The following OR9Q2 variants were observed in gnomAD, a reference collection of about 807,000 sequenced individuals.
The protein encoded by OR9Q2 is olfactory receptor family 9 subfamily Q member 2.
In OR9Q2, 2 loss-of-function variants were observed where a neutral mutation model predicts 2.3. The ratio of observed to expected loss-of-function variants is 0.85; its 90% CI spans 0.35 to 2.68. OR9Q2 has a LOEUF of 2.68. Ranked by LOEUF, OR9Q2 falls within the 30% of genes most tolerant of loss-of-function variation. OR9Q2 has a pLI of 0.10. For synonymous variants in OR9Q2, 178 were observed against 158.6 expected (o/e 1.12, Z -0.92); for missense variants, 404 against 395.7 (o/e 1.02, Z -0.18).
intron 1 of OR9Q2, among the ~76,000 whole-genome samples, chr11:58,189,955 T>TC (rs1854742439): frequency 1.3e-5 from 2 of 152,244 alleles, no homozygotes; most frequent in African/African-American, 4.8e-5. Context: ...CCATTGCTGA[T>TC]TGCTAATAGA....
In OR9Q2 at chr11:58,191,287, A is replaced by G; in HGVS notation, c.797A>G (p.Gln266Arg). ...IFMYLRDNTG[Q>R]SSEGDRVVSV... ...ATGTACCTGCGAGACAACACAGGCC[A>G]GTCCTCCGAGGGAGACCGAGTGGTG... Residue 266 changes from glutamine (Q) to arginine (R), a missense_variant, in exon 2 of 2, where the codon CAG becomes CGG. Physicochemically the swap from Gln to Arg is conservative, Grantham distance 43. Transcript: ENST00000641291. 6.2e-7 allele frequency: 1 copy of G among 1,614,082 alleles called. No homozygotes were observed. Among genetic ancestry groups the G allele is most frequent in the Non-Finnish European group, 8.5e-7 (1 of 1,180,008 alleles).
rs139158999 is a variant in OR9Q2 at position 58,190,622 on chromosome 11, C to T, written c.132C>T (p.Gly44=). Residue 44 remains glycine (G), a synonymous_variant, in exon 2 of 2, where the codon GGC becomes GGT. Transcript: ENST00000641291. Reference sequence around the variant, plus strand: ...TTGCCACTATGTTAGGGAACACAGGCATGATCCTCCTGATCCGTGGCGATC... The same window carrying T: ...TTGCCACTATGTTAGGGAACACAGGTATGATCCTCCTGATCCGTGGCGATC... ...FYLATMLGNT[G]MILLIRGDRR... 2 of 1,614,158 alleles carry T rather than the reference C, an allele frequency of 1.2e-6. No individual in the cohort carries two copies. Among genetic ancestry groups the T allele is most frequent in the African/African-American group, 1.3e-5 (1 of 75,046 alleles).
chr11:58,190,994 T>C lies in OR9Q2; in HGVS notation c.504T>C (p.Phe168=), dbSNP rs755902499. 1.7e-5 allele frequency: 27 copies of C among 1,614,094 alleles called. No individual in the cohort carries two copies. In the Admixed American group the frequency reaches 4.5e-4, roughly 27 times the overall value. Residue 168 remains phenylalanine, a synonymous_variant, in exon 2 of 2, where the codon TTT becomes TTC. Coordinates refer to ENST00000641291, the MANE Select transcript of OR9Q2 (RefSeq NM_001005283.3). ...VRTVTAFTLS[F]CGNNEINFIF... is the part of the protein sequence containing the mutation. The stretch of plus-strand genomic sequence containing the variant: ...CGGTCACAGCCTTCACTCTCTCCTT[T>C]TGTGGAAACAATGAGATCAACTTCA...
rs539281058 is a variant in OR9Q2 at position 58,193,324 on chromosome 11, T to A, written c.*1889T>A. On this transcript the variant is annotated 3_prime_UTR_variant, in exon 2 of 2. Coordinates refer to ENST00000641291, the MANE Select transcript of OR9Q2 (RefSeq NM_001005283.3). ...AACCTGGACATTTCCAGGAGTCAAG[T>A]TCTCAAATAATTTTTTAACTTAATT... 2 of 152,112 alleles carry A rather than the reference T, an allele frequency of 1.3e-5. No homozygotes were observed. Among genetic ancestry groups the A allele is most frequent in the African/African-American group, 4.8e-5 (2 of 41,422 alleles). The allele number at this position is 152,112 out of a possible 1,614,324, so 9.4% of individuals were successfully genotyped here. A position where few individuals can be genotyped will look rare whatever the true frequency, so the allele number is the denominator to read the frequency against.
Position 58,191,480 on chromosome 11 carries a change from T to C in OR9Q2, c.*45T>C. The C allele has an allele frequency of 1.4e-6, 2 of 1,383,066 alleles. No individual in the cohort carries two copies. The highest frequency in any genetic ancestry group is 2.9e-5 in the African/African-American group (2 of 69,220). 85.7% of individuals were successfully genotyped at this position (1,383,066 alleles called of 1,614,324 possible). ...ATCATTCCTTAGTTTCCCCATCTTT[T>C]CTGTCTTTTCTCAATAGCACCTTCT... On this transcript the variant is annotated 3_prime_UTR_variant, in exon 2 of 2. Coordinates refer to ENST00000641291, the MANE Select transcript of OR9Q2 (RefSeq NM_001005283.3).
In OR9Q2 at chr11:58,192,415, T is replaced by G. The variant is rs1854773792; in HGVS notation, c.*980T>G. On this transcript the variant is annotated 3_prime_UTR_variant, in exon 2 of 2. Coordinates refer to ENST00000641291, the MANE Select transcript of OR9Q2 (RefSeq NM_001005283.3). Reference sequence around the variant, plus strand: ...TTGCTAGCTGTAATCTATTGCCTATTCTATATAATCACTCAACCGGAATTT... The same window carrying G: ...TTGCTAGCTGTAATCTATTGCCTATGCTATATAATCACTCAACCGGAATTT... 6.6e-6 allele frequency: 1 copy of G among 152,186 alleles called. No individual in the cohort carries two copies. Among genetic ancestry groups the G allele is most frequent in the African/African-American group, 2.4e-5 (1 of 41,438 alleles). 9.4% of individuals were successfully genotyped at this position (152,186 alleles called of 1,614,324 possible).
Position 58,191,549 on chromosome 11 carries a change from C to T in OR9Q2, c.*114C>T, listed in dbSNP as rs1174718685. 25 of 629,454 alleles carry T rather than the reference C, an allele frequency of 4.0e-5. No homozygotes were observed. The highest frequency in any genetic ancestry group is 5.8e-5 in the Non-Finnish European group (21 of 361,928). 39.0% of individuals were successfully genotyped at this position (629,454 alleles called of 1,614,324 possible). ...AACCCTATGCAAAATCGCACCTGAA[C>T]TTCCCACCTCCACTTTCTGATTTAT... is the stretch of plus-strand genomic sequence containing the variant. On this transcript the variant is annotated 3_prime_UTR_variant, in exon 2 of 2. Coordinates refer to ENST00000641291, the MANE Select transcript of OR9Q2 (RefSeq NM_001005283.3).
chr11:58,190,524 T>A lies in OR9Q2; in HGVS notation c.34T>A (p.Phe12Ile). 1.2e-6 allele frequency: 2 copies of A among 1,613,906 alleles called. No individual in the cohort carries two copies. The highest frequency in any genetic ancestry group is 1.7e-6 in the Non-Finnish European group (2 of 1,179,928). Residue 12 changes from phenylalanine (F) to isoleucine (I), a missense_variant, in exon 2 of 2, where the codon TTC becomes ATC. Transcript: ENST00000641291. ...AERNYTVVTE[F>I]FLTAFTEHLQ... ...AAGGAATTACACCGTAGTGACGGAG[T>A]TCTTCCTTACTGCATTTACTGAACA...
chr11:58,190,667 G>C lies in OR9Q2; in HGVS notation c.177G>C (p.Met59Ile). The change falls in exon 2 of 2, where the codon ATG becomes ATC. Residue 59 changes from methionine (M) to isoleucine (I), a missense_variant. By Grantham distance (10) the Met-to-Ile change is conservative. Transcript: ENST00000641291. The stretch of plus-strand genomic sequence containing the variant: ...GCGATCGTCGGCTCCACACCCCGAT[G>C]TACTTCTTCCTCAGCCACCTTTCCT... ...IRGDRRLHTP[M>I]YFFLSHLSLV... 1 of 1,614,174 alleles carries C rather than the reference G, an allele frequency of 6.2e-7. No homozygotes were observed. The highest frequency in any genetic ancestry group is 8.5e-7 in the Non-Finnish European group (1 of 1,180,028).
rs1854776507 is a variant in OR9Q2, at chr11:58,192,712, A to G, written c.*1277A>G. ...AGGAGATGGCTGGGCATATTTAGGAAAAGGTATAGGGAAAAAATGAACACC... is the reference window on the plus strand; with the variant it reads ...AGGAGATGGCTGGGCATATTTAGGAGAAGGTATAGGGAAAAAATGAACACC... On this transcript the variant is annotated 3_prime_UTR_variant, in exon 2 of 2. Transcript: ENST00000641291. The G allele has an allele frequency of 6.6e-6, 1 of 152,190 alleles. No individual in the cohort carries two copies. Among genetic ancestry groups the G allele is most frequent in the African/African-American group, 2.4e-5 (1 of 41,442 alleles). The allele number at this position is 152,190 out of a possible 1,614,324, so 9.4% of individuals were successfully genotyped here. A position where few individuals can be genotyped will look rare whatever the true frequency, so the allele number is the denominator to read the frequency against.
At chr11:58,189,422 G>A (rs956888653) in intron 1 of OR9Q2, among the ~76,000 whole-genome samples, 1 of 152,138 alleles carries the variant, frequency 6.6e-6, no homozygotes, top group Non-Finnish European at 1.5e-5. Flanking sequence ...AACAAAAGAG[G>A]AGGGCATTAG....
chr11:58,192,163 T>C lies in OR9Q2; in HGVS notation c.*728T>C, dbSNP rs2120008508. ...AATAATAATAGCAAGTTACACTTAT[T>C]AGGCATTATTATCTTCCAGGACTTA... On this transcript the variant is annotated 3_prime_UTR_variant, in exon 2 of 2. Coordinates refer to ENST00000641291, the MANE Select transcript of OR9Q2 (RefSeq NM_001005283.3). 1 of 133,350 alleles carries C rather than the reference T, an allele frequency of 7.5e-6. No individual in the cohort carries two copies. The highest frequency in any genetic ancestry group is 2.3e-4 in the South Asian group (1 of 4,382). The allele number at this position is 133,350 out of a possible 1,614,324, so 8.3% of individuals were successfully genotyped here.
chr11:58,189,832 A>T (rs1854741238), intron 1 of OR9Q2, among the ~76,000 whole-genome samples: 1 of 152,132 alleles, frequency 6.6e-6, no homozygotes, highest in Non-Finnish European at 1.5e-5. Context: ...GTGTGTGTTT[A>T]TGTGTGTGTA....
Position 58,190,961 on chromosome 11 carries a change from TGTTC to T in OR9Q2, c.473_476del (p.Val158GlufsTer27). The T allele has an allele frequency of 1.9e-6, 3 of 1,614,226 alleles. No individual in the cohort carries two copies. The highest frequency in any genetic ancestry group is 8.5e-7 in the Non-Finnish European group (1 of 1,180,036). ...ACGTTGCTGGTTTTTTCAGTGCCTT[TGTTC>T]GAACGGTCACAGCCTTCACTCTCTC... On this transcript the variant is annotated frameshift_variant, in exon 2 of 2. Coordinates refer to ENST00000641291, the MANE Select transcript of OR9Q2 (RefSeq NM_001005283.3). LOFTEE classifies it high-confidence loss of function.
At chr11:58,189,254 T>C (rs1854735752) in intron 1 of OR9Q2, 146 bp downstream of exon 1, 1 of 152,192 alleles carries the variant, frequency 6.6e-6, no homozygotes, top group Middle Eastern at 3.2e-3. Flanking sequence ...GCTATGATTA[T>C]GGGGTTATCT....
chr11:58,190,817 C>T lies in OR9Q2; in HGVS notation c.327C>T (p.Ser109=), dbSNP rs754758933. The T allele has an allele frequency of 1.9e-6, 3 of 1,614,222 alleles. No homozygotes were observed. Among genetic ancestry groups the T allele is most frequent in the South Asian group, 2.2e-5 (2 of 91,086 alleles). ...TCTTCCTCTTCACCTTCTTTGCCTC[C>T]ATCGACTGCTACCTTCTGGCCATCA... ...AQFFLFTFFA[S]IDCYLLAIMA... is the part of the protein sequence containing the mutation. Residue 109 remains serine (S), a synonymous_variant, in exon 2 of 2, where the codon TCC becomes TCT. Coordinates refer to ENST00000641291, the MANE Select transcript of OR9Q2 (RefSeq NM_001005283.3).
intron 1 of OR9Q2, 52 bp from the exon 2 acceptor site, chr11:58,190,267 C>G: frequency 2.0e-6 from 1 of 512,202 alleles, no homozygotes; most frequent in South Asian, 3.5e-5. Flanking sequence ...ATCACTTGCT[C>G]TCTGTTCTTT....
Position 58,190,941 on chromosome 11 carries a change from G to A in OR9Q2, c.451G>A (p.Ala151Thr), listed in dbSNP as rs747522012. The A allele has an allele frequency of 1.9e-6, 3 of 1,614,188 alleles. No individual in the cohort carries two copies. Among genetic ancestry groups the A allele is most frequent in the Non-Finnish European group, 2.5e-6 (3 of 1,180,030 alleles). Reference protein sequence around the residue: ...RWGLVTGAYVAGFFSAFVRTV... With the variant: ...RWGLVTGAYVTGFFSAFVRTV... ...GGGCCTAGTCACTGGGGCTTACGTT[G>A]CTGGTTTTTTCAGTGCCTTTGTTCG... Residue 151 changes from alanine to threonine, a missense_variant, in exon 2 of 2, where the codon GCT (alanine) becomes ACT (threonine). Physicochemically the swap from Ala to Thr is moderately conservative, Grantham distance 58 (BLOSUM62 0). Coordinates refer to ENST00000641291, the MANE Select transcript of OR9Q2 (RefSeq NM_001005283.3).
At position 58,190,954 on chromosome 11, in the gene OR9Q2, G is replaced by A; in HGVS notation, c.464G>A (p.Ser155Asn). The change falls in exon 2 of 2, where the codon AGT (serine) becomes AAT (asparagine). Residue 155 changes from serine to asparagine, a missense_variant. Transcript: ENST00000641291. ...GGGGCTTACGTTGCTGGTTTTTTCA[G>A]TGCCTTTGTTCGAACGGTCACAGCC... ...VTGAYVAGFF[S>N]AFVRTVTAFT... The A allele has an allele frequency of 1.2e-6, 2 of 1,614,186 alleles. No individual in the cohort carries two copies. Among genetic ancestry groups the A allele is most frequent in the Non-Finnish European group, 1.7e-6 (2 of 1,180,030 alleles).
Sources: gnomAD v4.1 joint callset for allele counts (sites outside exome capture counted in the v4.1 genomes callset) on GRCh38, gnomAD v4.1.1 for gene constraint, MANE v1.5 for transcripts, NCBI Gene and HGNC (gene_info 2026-07-23, HGNC 2026-07-21) for gene names.